ARHGAP40: variants seen among roughly 807,000 people sequenced by gnomAD.
ARHGAP40 encodes the protein Rho GTPase activating protein 40.
ARHGAP40 carries 43 observed loss-of-function variants against 73.5 expected under a neutral mutation model. That is an observed-to-expected ratio of 0.58 (90% CI 0.46 to 0.75). The LOEUF (loss-of-function observed/expected upper bound fraction) is 0.75, where lower values mean the gene tolerates loss of function less well. Ranked by LOEUF, ARHGAP40 falls within the 30% of genes least tolerant of loss-of-function variation. The probability of loss-of-function intolerance (pLI) is 0.00; values close to 1 mark genes in which losing one functional copy is unlikely to be tolerated. For missense variants in ARHGAP40, 734 were observed against 861.8 expected (o/e 0.85, Z 1.86); for synonymous variants, 300 against 352.8 (o/e 0.85, Z 1.68).
chr20:38,635,883 G>A (rs1213822365), intron 6 of ARHGAP40, among the ~76,000 whole-genome samples: 2 of 152,138 alleles, frequency 1.3e-5, no homozygotes, highest in South Asian at 4.1e-4. Context: ...ACATGTTTAT[G>A]AGTAAACTGG....
At chr20:38,632,889 G>A (rs988104193) in intron 5 of ARHGAP40, among the ~76,000 whole-genome samples, 1 of 152,056 alleles carries the variant, frequency 6.6e-6, no homozygotes, top group Non-Finnish European at 1.5e-5. Flanking sequence ...TTGGGAGGCC[G>A]AGGCAGGCAG....
rs775082802 is a variant in ARHGAP40 at position 38,623,331 on chromosome 20, CTCCCTGCACCT to C, written c.138-23_138-13del. The C allele has an allele frequency of 7.1e-6, 9 of 1,259,626 alleles. No individual in the cohort carries two copies. Among genetic ancestry groups the C allele is most frequent in the Admixed American group, 2.5e-5 (1 of 40,780 alleles). 78.0% of individuals were successfully genotyped at this position (1,259,626 alleles called of 1,614,324 possible). A position where few individuals can be genotyped will look rare whatever the true frequency, so the allele number is the denominator to read the frequency against. On this transcript the variant is annotated splice_polypyrimidine_tract_variant and intron_variant, in intron 1 of 14. Transcript: ENST00000373345. ...CCATCATAAGCAGAGACTTGCTGACCTCCCTGCACCTTCCCCACTTGCTACAGCTCTGGCCC... is the reference window on the plus strand; with the variant it reads ...CCATCATAAGCAGAGACTTGCTGACCTCCCCACTTGCTACAGCTCTGGCCC...
At chr20:38,630,098 C>G (rs1279938311) in intron 5 of ARHGAP40, among the ~76,000 whole-genome samples, 2 of 76,152 alleles carry the variant, frequency 2.6e-5, no homozygotes, top group East Asian at 6.4e-4. Context: ...TTCTTTCTTT[C>G]TTTGTTTTTC....
At chr20:38,611,627 G>T (rs911808089) in intron 1 of ARHGAP40, among the ~76,000 whole-genome samples, 8 of 151,780 alleles carry the variant, frequency 5.3e-5, no homozygotes, top group Non-Finnish European at 1.2e-4. Flanking sequence ...GCCCAGGCTG[G>T]AGTGCAGTGG....
Position 38,649,801 on chromosome 20 carries a change from C to T in ARHGAP40, c.1981C>T (p.Arg661Cys), listed in dbSNP as rs201639272. ...AGATGCCTACCTCTTAGATCTGTAC[C>T]GTGCCAACCCGCATGGTGAGTGGGT... The change falls in exon 15 of 15, where the codon CGT becomes TGT. Residue 661 changes from arginine to cysteine, a missense_variant. Arg to Cys is a radical substitution (Grantham distance 180, BLOSUM62 -3). Coordinates refer to ENST00000373345, the Ensembl canonical transcript of ARHGAP40. 2.8e-5 allele frequency: 37 copies of T among 1,305,088 alleles called. No homozygotes were observed. The highest frequency in any genetic ancestry group is 2.1e-4 in the Middle Eastern group (1 of 4,714). 80.8% of individuals were successfully genotyped at this position (1,305,088 alleles called of 1,614,324 possible).
chr20:38,622,495 A>G (rs373385611), intron 1 of ARHGAP40, among the ~76,000 whole-genome samples: 1 of 152,220 alleles, frequency 6.6e-6, no homozygotes. Context: ...TATATGGACC[A>G]GGAGACTTGC....
intron 1 of ARHGAP40, among the ~76,000 whole-genome samples, chr20:38,613,015 C>T (rs538368017): frequency 6.6e-6 from 1 of 152,254 alleles, no homozygotes; most frequent in Non-Finnish European, 1.5e-5. Context: ...CACTTGGCTT[C>T]AGCCAATTGT....
intron 9 of ARHGAP40, among the ~76,000 whole-genome samples, chr20:38,640,866 G>T (rs1469874574): frequency 1.3e-5 from 2 of 152,300 alleles, no homozygotes; most frequent in African/African-American, 4.8e-5. Flanking sequence ...ACATCATGCT[G>T]CCTGCCAGCC....
exon 7 of ARHGAP40, chr20:38,637,756 A>G (rs1367388626): frequency 1.1e-5 from 14 of 1,305,294 alleles, no homozygotes; most frequent in Non-Finnish European, 1.3e-5. Flanking sequence ...GAAGCTGACC[A>G]CAAAGTCCTC....
At chr20:38,633,743 C>T (rs528653649) in intron 5 of ARHGAP40, among the ~76,000 whole-genome samples, 5 of 152,362 alleles carry the variant, frequency 3.3e-5, no homozygotes, top group South Asian at 4.1e-4. Context: ...CTGGCCCTCC[C>T]GCTTGCCTTC....
At chr20:38,635,061 T>C (rs2088965725) in intron 6 of ARHGAP40, among the ~76,000 whole-genome samples, 1 of 151,984 alleles carries the variant, frequency 6.6e-6, no homozygotes, top group Non-Finnish European at 1.5e-5. Flanking sequence ...TTTGTATTTT[T>C]AGTACAGACG....
chr20:38,647,058 C>A (rs2089058793), exon 13 of ARHGAP40: 1 of 1,305,250 alleles, frequency 7.7e-7, no homozygotes, highest in Non-Finnish European at 1.0e-6. Flanking sequence ...TGAGGCAGTT[C>A]ACAGAGCACC....
chr20:38,630,270 A>T (rs1409775186), intron 5 of ARHGAP40, among the ~76,000 whole-genome samples: 1 of 145,016 alleles, frequency 6.9e-6, no homozygotes. Context: ...CCCAGGCGGG[A>T]GTGCAGTGGT....
At chr20:38,648,848 A>C in intron 14 of ARHGAP40, 150 bp downstream of exon 14, 1 of 538,034 alleles carries the variant, frequency 1.9e-6, no homozygotes, top group Non-Finnish European at 3.0e-6. Context: ...AACCAGGTGG[A>C]GTCCTGCTGT....
At chr20:38,604,136 T>TCTATCTAC (rs1293502598) in intron 1 of ARHGAP40, among the ~76,000 whole-genome samples, 2 of 152,202 alleles carry the variant, frequency 1.3e-5, no homozygotes, top group East Asian at 3.8e-4. Flanking sequence ...CGTCCATCCA[T>TCTATCTAC]CTATCTACCT....
rs1283659514 is a variant in ARHGAP40 at position 38,637,803 on chromosome 20, A to G, written c.1041+4A>G. On this transcript the variant is annotated splice_donor_region_variant and intron_variant, in intron 7 of 14. Transcript: ENST00000373345. ...GGTCCCGCTGGTCCTTCAAGCCGTA[A>G]GTCGCCCCTACCCCAGCTTGGGTTT... 3.1e-6 allele frequency: 4 copies of G among 1,304,858 alleles called. No homozygotes were observed. In the East Asian group the frequency reaches 1.7e-4, roughly 54 times the overall value. The allele number at this position is 1,304,858 out of a possible 1,614,324, so 80.8% of individuals were successfully genotyped here.
rs985114564 is a variant in ARHGAP40, at chr20:38,646,235, G to T, written c.1710+48G>T. The T allele has an allele frequency of 5.6e-6, 7 of 1,253,302 alleles. No individual in the cohort carries two copies. In the African/African-American group the frequency reaches 6.2e-5, roughly 11 times the overall value. The allele number at this position is 1,253,302 out of a possible 1,614,324, so 77.6% of individuals were successfully genotyped here. A position where few individuals can be genotyped will look rare whatever the true frequency, so the allele number is the denominator to read the frequency against. On this transcript the variant is annotated intron_variant, in intron 12 of 14. Transcript: ENST00000373345. The surrounding 1 kb of genome is among the most constrained non-coding windows in gnomAD (Gnocchi z 4.5). ...AGGTGGAGAAGGGCCGAGGCGACAG[G>T]AGGGCACCTGGGGCGCGGTGCTTCC...
exon 6 of ARHGAP40, chr20:38,634,680 G>T: frequency 7.7e-7 from 1 of 1,305,388 alleles, no homozygotes; most frequent in East Asian, 5.5e-5. Context: ...GTCCCTGCAG[G>T]ATATGAGGAA....
intron 1 of ARHGAP40, among the ~76,000 whole-genome samples, chr20:38,620,076 T>G (rs1804455666): frequency 6.6e-6 from 1 of 152,136 alleles, no homozygotes; most frequent in South Asian, 2.1e-4. Flanking sequence ...TAAAAAGAAA[T>G]AAACTGATGC....
Sources: gnomAD v4.1 joint callset for allele counts (sites outside exome capture counted in the v4.1 genomes callset) on GRCh38, gnomAD v4.1.1 for gene constraint, Gnocchi (gnomAD v3.1) non-coding constraint, MANE v1.5 for transcripts, NCBI Gene and HGNC (gene_info 2026-07-23, HGNC 2026-07-21) for gene names.